The following PABPC4L variants were observed in gnomAD, a reference collection of about 807,000 sequenced individuals.
The protein encoded by PABPC4L is polyadenylate-binding protein 4-like.
For synonymous variants in PABPC4L, 169 were observed against 164.1 expected (o/e 1.03, Z -0.23); for missense variants, 452 against 451.4 (o/e 1.00, Z -0.01).
the PABPC4L span, among the ~76,000 whole-genome samples, chr4:134,170,292 C>T: frequency 0.45 from 68,853 of 151,896 alleles, 18,092 homozygotes; most frequent in East Asian, 0.98. Context: ...CATTTCCTTT[C>T]TCCAGTCTAC....
At chr4:134,132,302 C>T in the PABPC4L span, among the ~76,000 whole-genome samples, 2 of 152,010 alleles carry the variant, frequency 1.3e-5, no homozygotes, top group African/African-American at 2.4e-5. Context: ...AAAATCTTTG[C>T]GGTCTGGATA....
At chr4:134,015,093 C>G in the PABPC4L span, among the ~76,000 whole-genome samples, 1 of 152,090 alleles carries the variant, frequency 6.6e-6, no homozygotes, top group Non-Finnish European at 1.5e-5. Context: ...TCCTTGGCGA[C>G]TGATCATGCA....
At chr4:134,194,859 G>T (rs769285072), downstream of PABPC4L, among the ~76,000 whole-genome samples, 1 of 151,688 alleles carries the variant, frequency 6.6e-6, no homozygotes, top group Non-Finnish European at 1.5e-5. Flanking sequence ...CAGAATGCAA[G>T]GAATCCTAGG....
At chr4:134,139,559 A>G in the PABPC4L span, among the ~76,000 whole-genome samples, 1 of 151,974 alleles carries the variant, frequency 6.6e-6, no homozygotes, top group Non-Finnish European at 1.5e-5. Context: ...AATGCTTCCA[A>G]ATAAGGTCTA....
the PABPC4L span, among the ~76,000 whole-genome samples, chr4:134,111,367 T>C: frequency 6.6e-6 from 1 of 151,956 alleles, no homozygotes; most frequent in African/African-American, 2.4e-5. Context: ...GAAAAAAACA[T>C]TCAAACGATA....
the PABPC4L span, among the ~76,000 whole-genome samples, chr4:134,101,925 T>G: frequency 6.6e-6 from 1 of 151,676 alleles, no homozygotes; most frequent in East Asian, 1.9e-4. Flanking sequence ...TGCTTTAACT[T>G]AGAATATGTC....
chr4:134,064,471 G>A, the PABPC4L span, among the ~76,000 whole-genome samples: 3 of 152,006 alleles, frequency 2.0e-5, no homozygotes, highest in East Asian at 3.9e-4. Flanking sequence ...GGTTAGATGT[G>A]CTTTTGGGAG....
At chr4:134,195,892 A>C (rs1578880379), downstream of PABPC4L, among the ~76,000 whole-genome samples, 1 of 151,662 alleles carries the variant, frequency 6.6e-6, no homozygotes, top group South Asian at 2.1e-4. Context: ...TGGGAGATAC[A>C]TATATGTCAA....
chr4:134,095,460 A>T, the PABPC4L span, among the ~76,000 whole-genome samples: 1 of 152,034 alleles, frequency 6.6e-6, no homozygotes, highest in African/African-American at 2.4e-5. Flanking sequence ...TTGCACAAAT[A>T]ACATGAAAAT....
At chr4:134,120,344 T>A in the PABPC4L span, among the ~76,000 whole-genome samples, 1 of 149,438 alleles carries the variant, frequency 6.7e-6, no homozygotes, top group African/African-American at 2.4e-5. Flanking sequence ...ATCTTCCACA[T>A]ATAGGCTATT....
the PABPC4L span, among the ~76,000 whole-genome samples, chr4:134,128,814 T>G: frequency 6.6e-6 from 1 of 152,214 alleles, no homozygotes; most frequent in South Asian, 2.1e-4. Context: ...TAGAATAGTA[T>G]CTCACATCTC....
the PABPC4L span, among the ~76,000 whole-genome samples, chr4:134,061,407 C>T: frequency 6.6e-6 from 1 of 151,898 alleles, no homozygotes; most frequent in African/African-American, 2.4e-5. Context: ...CAAGATATAT[C>T]ATACACCACT....
chr4:133,950,467 A>G, the PABPC4L span, among the ~76,000 whole-genome samples: 1 of 152,120 alleles, frequency 6.6e-6, no homozygotes, highest in African/African-American at 2.4e-5. Context: ...CAAGGATATA[A>G]ATCCCTATAT....
At chr4:134,121,134 T>G in the PABPC4L span, among the ~76,000 whole-genome samples, 1 of 151,390 alleles carries the variant, frequency 6.6e-6, no homozygotes, top group African/African-American at 2.4e-5. Flanking sequence ...TATAATTCAA[T>G]GATTTTTAGA....
chr4:134,066,933 T>C, the PABPC4L span, among the ~76,000 whole-genome samples: 2 of 152,254 alleles, frequency 1.3e-5, no homozygotes, highest in African/African-American at 4.8e-5. Context: ...CTGCTGGATT[T>C]GGATTGCTAG....
At chr4:134,149,010 C>A in the PABPC4L span, among the ~76,000 whole-genome samples, 1 of 152,034 alleles carries the variant, frequency 6.6e-6, no homozygotes, top group Non-Finnish European at 1.5e-5. Context: ...TGAGAAAACA[C>A]TGAGGCATAG....
chr4:134,032,489 T>C, the PABPC4L span, among the ~76,000 whole-genome samples: 2 of 151,874 alleles, frequency 1.3e-5, no homozygotes. Context: ...ACTTTTCTTG[T>C]TGTCTGCAAT....
Position 134,200,147 on chromosome 4 carries a change from C to G in PABPC4L, c.873G>C (p.Gln291His). The change falls in exon 2 of 2, where the codon CAG becomes CAC. Residue 291 changes from glutamine (Q) to histidine (H), a missense_variant. By Grantham distance (24) the Gln-to-His change is conservative. Transcript: ENST00000421491. ...GGTTCTTAATATAGAGTTTTACCCC[C>G]TGGCACCCACGAATTCGTTCCCTTT... ...QLKRERIRGC[Q>H]GVKLYIKNLD... is the part of the protein sequence containing the mutation. 1.9e-6 allele frequency: 3 copies of G among 1,551,674 alleles called. No individual in the cohort carries two copies. The highest frequency in any genetic ancestry group is 2.6e-6 in the Non-Finnish European group (3 of 1,146,974).
chr4:134,177,405 A>T, the PABPC4L span, among the ~76,000 whole-genome samples: 1 of 151,658 alleles, frequency 6.6e-6, no homozygotes, highest in Non-Finnish European at 1.5e-5. Context: ...TGATCTCTTG[A>T]ACTTGCGATC....
Sources: allele counts gnomAD v4.1 joint callset (sites outside exome capture counted in the v4.1 genomes callset), GRCh38; gene constraint gnomAD v4.1.1; transcripts MANE v1.5; gene names NCBI Gene and HGNC (gene_info 2026-07-23, HGNC 2026-07-21).